The following STARD3 variants were observed in gnomAD, a reference collection of about 807,000 sequenced individuals.
STARD3 encodes StAR related lipid transfer domain containing 3.
In STARD3, 39 loss-of-function variants were observed where a neutral mutation model predicts 62.0. The ratio of observed to expected loss-of-function variants is 0.63; its 90% CI spans 0.49 to 0.82. STARD3 has a LOEUF of 0.82. Ranked by LOEUF, STARD3 falls within the 40% of genes least tolerant of loss-of-function variation. The pLI is 0.00. For missense variants in STARD3, 543 were observed against 584.5 expected (o/e 0.93, Z 0.73); for synonymous variants, 229 against 242.4 (o/e 0.94, Z 0.51).
intron 2 of STARD3, among the ~76,000 whole-genome samples, chr17:39,656,361 G>A (rs921523941): frequency 2.6e-5 from 4 of 152,162 alleles, no homozygotes; most frequent in South Asian, 2.1e-4. Flanking sequence ...GTCTGGCCTG[G>A]TGTCCATCCA....
At chr17:39,645,739 TGAG>T (rs2057020191) in intron 1 of STARD3, among the ~76,000 whole-genome samples, 1 of 151,834 alleles carries the variant, frequency 6.6e-6, no homozygotes, top group East Asian at 1.9e-4. Flanking sequence ...CCCAAAGGGC[TGAG>T]CCACTGCTCC....
intron 1 of STARD3, among the ~76,000 whole-genome samples, chr17:39,639,527 G>A (rs1239321054): frequency 1.3e-5 from 2 of 152,262 alleles, no homozygotes; most frequent in Admixed American, 1.3e-4. Context: ...TGGGCTCAGA[G>A]ATCAGAAAGC....
intron 1 of STARD3, among the ~76,000 whole-genome samples, chr17:39,645,932 C>CG (rs1173792616): frequency 1.4e-5 from 2 of 138,648 alleles, no homozygotes; most frequent in African/African-American, 5.5e-5. Flanking sequence ...CACTCTGTCA[C>CG]CCAGACTGGA....
rs148167397 is a variant in STARD3, at chr17:39,650,387, C to T, written c.-51-3094C>T. ...GGAAGGGGTCAGAGGGAGCACGGCC[C>T]TCCCAATACCTTTCTCAGACTTCCA... On this transcript the variant is annotated intron_variant, in intron 1 of 14. Transcript: ENST00000336308. Among the ~76,000 whole-genome samples, 45 of 152,296 alleles carry T rather than the reference C, an allele frequency of 3.0e-4. No homozygotes were observed. The East Asian group carries it at 8.5e-3, about 29-fold the overall frequency.
intron 1 of STARD3, among the ~76,000 whole-genome samples, chr17:39,652,311 C>G (rs984919577): frequency 6.6e-6 from 1 of 152,180 alleles, no homozygotes; most frequent in African/African-American, 2.4e-5. Flanking sequence ...TTACAAAGCA[C>G]CTATTGCATG....
chr17:39,659,197 C>T (rs543920837), intron 8 of STARD3, 91 bp downstream of exon 8: 2 of 1,524,510 alleles, frequency 1.3e-6, no homozygotes, highest in East Asian at 4.5e-5. Context: ...GCAGGGGTTT[C>T]CCAGTAGAGG....
chr17:39,653,874 G>A (rs553868731), intron 2 of STARD3, 124 bp downstream of exon 2: 2 of 1,073,980 alleles, frequency 1.9e-6, no homozygotes, highest in Admixed American at 4.1e-5. Flanking sequence ...AATGAAGACT[G>A]GGAGGAACAA....
chr17:39,644,111 A>G (rs2057003800), intron 1 of STARD3, among the ~76,000 whole-genome samples: 1 of 152,114 alleles, frequency 6.6e-6, no homozygotes, highest in Non-Finnish European at 1.5e-5. Flanking sequence ...CCTGTGGATT[A>G]TGGGAGGGGG....
intron 1 of STARD3, among the ~76,000 whole-genome samples, chr17:39,646,359 C>T (rs997107196): frequency 4.6e-5 from 7 of 152,104 alleles, no homozygotes; most frequent in Non-Finnish European, 1.0e-4. Flanking sequence ...CTCAAGTGAT[C>T]CTTCCTCCTC....
At position 39,660,166 on chromosome 17, in the gene STARD3, C is replaced by T; in HGVS notation, c.796-45C>T. ...CCCATTTCTGTGCCACCAGCCCACC[C>T]CCTGCCTCCACTCTCCTCCCTGCCA... On this transcript the variant is annotated intron_variant, in intron 9 of 14. Coordinates refer to ENST00000336308, the MANE Select transcript of STARD3 (RefSeq NM_006804.4). This position sits in a 1 kb window ranked among gnomAD's most constrained non-coding sequence, Gnocchi z 4.8. 1 of 1,607,280 alleles carries T rather than the reference C, an allele frequency of 6.2e-7. No individual in the cohort carries two copies. Among genetic ancestry groups the T allele is most frequent in the Non-Finnish European group, 8.5e-7 (1 of 1,174,004 alleles).
At chr17:39,651,550 C>T (rs944811248) in intron 1 of STARD3, among the ~76,000 whole-genome samples, 1 of 152,094 alleles carries the variant, frequency 6.6e-6, no homozygotes, top group Admixed American at 6.5e-5. Flanking sequence ...TTTGCCTCCC[C>T]GCTTCAGCTC....
chr17:39,638,306 T>G (rs2056952664), intron 1 of STARD3, among the ~76,000 whole-genome samples: 1 of 152,252 alleles, frequency 6.6e-6, no homozygotes, highest in Non-Finnish European at 1.5e-5. Context: ...AACACAAGTC[T>G]TACGGTGCCA....
At chr17:39,645,830 C>G (rs909267859) in intron 1 of STARD3, among the ~76,000 whole-genome samples, 1 of 151,164 alleles carries the variant, frequency 6.6e-6, no homozygotes, top group African/African-American at 2.4e-5. Flanking sequence ...TTACCATACT[C>G]CCTCCTGACA....
intron 2 of STARD3, among the ~76,000 whole-genome samples, chr17:39,654,882 G>C (rs1270701709): frequency 6.6e-6 from 1 of 152,210 alleles, no homozygotes; most frequent in East Asian, 1.9e-4. Flanking sequence ...TTTGATTCTG[G>C]GCATGTTGAG....
At chr17:39,659,583 C>A in intron 9 of STARD3, 30 bp downstream of exon 9, 1 of 1,604,496 alleles carries the variant, frequency 6.2e-7, no homozygotes, top group South Asian at 1.1e-5. Context: ...CTGACCTTCC[C>A]ATGCGTGTTA....
At chr17:39,662,656 C>A in intron 14 of STARD3, 148 bp from the exon 15 acceptor site, 1 of 742,282 alleles carries the variant, frequency 1.3e-6, no homozygotes, top group Non-Finnish European at 2.2e-6. Flanking sequence ...GTTCTTCCTG[C>A]CAGGGGTGAG....
At chr17:39,657,948 C>A in intron 4 of STARD3, 25 bp from the exon 5 acceptor site, 1 of 1,604,172 alleles carries the variant, frequency 6.2e-7, no homozygotes. Flanking sequence ...CTGCCTTCCC[C>A]TTCCTCCCTC....
chr17:39,640,681 G>T (rs2056975699), intron 1 of STARD3, among the ~76,000 whole-genome samples: 1 of 150,876 alleles, frequency 6.6e-6, no homozygotes, highest in African/African-American at 2.4e-5. Flanking sequence ...GCCCTGAGTG[G>T]GTCAGGGGTC....
intron 2 of STARD3, chr17:39,656,784 A>G (rs1182148092): frequency 1.9e-6 from 1 of 540,416 alleles, no homozygotes; most frequent in Non-Finnish European, 3.3e-6. Flanking sequence ...AGCCCTGCCC[A>G]TCGGGGCGGC....
Sources: allele counts gnomAD v4.1 joint callset (sites outside exome capture counted in the v4.1 genomes callset), GRCh38; gene constraint gnomAD v4.1.1; non-coding constraint Gnocchi (gnomAD v3.1); transcripts MANE v1.5; gene names NCBI Gene and HGNC (gene_info 2026-07-23, HGNC 2026-07-21).